Variants in YAF2 observed in about 807,000 individuals in gnomAD.
YAF2 encodes YY1-associated factor 2.
In YAF2, 7 loss-of-function variants were observed where a neutral mutation model predicts 20.1. That is an observed-to-expected ratio of 0.35 (90% CI 0.20 to 0.65). YAF2 has a LOEUF of 0.65. Among genes scored for constraint, YAF2 ranks in the 30% least tolerant of loss-of-function variants. YAF2 has a pLI of 0.69. For synonymous variants in YAF2, 74 were observed against 76.0 expected (o/e 0.97, Z 0.14); for missense variants, 151 against 219.2 (o/e 0.69, Z 1.96).
intron 2 of YAF2, among the ~76,000 whole-genome samples, chr12:42,181,903 A>C (rs1039476767): frequency 2.6e-5 from 4 of 152,154 alleles, no homozygotes; most frequent in Non-Finnish European, 5.9e-5. Context: ...TTTACATTTT[A>C]CATTTTGCTT....
intron 2 of YAF2, among the ~76,000 whole-genome samples, chr12:42,228,147 G>T (rs2067815304): frequency 3.0e-4 from 10 of 33,096 alleles, no homozygotes; most frequent in East Asian, 1.3e-3. Flanking sequence ...GGAGGGAGGT[G>T]GGGGGGGTCG....
chr12:42,211,628 C>T (rs748160220), intron 2 of YAF2, among the ~76,000 whole-genome samples: 15 of 151,388 alleles, frequency 9.9e-5, no homozygotes, highest in Non-Finnish European at 1.9e-4. Context: ...GCCTGTAATC[C>T]CAGCTATTAG....
At chr12:42,170,349 A>G (rs1390685126) in intron 2 of YAF2, among the ~76,000 whole-genome samples, 1 of 152,184 alleles carries the variant, frequency 6.6e-6, no homozygotes, top group Non-Finnish European at 1.5e-5. Flanking sequence ...TCTCTCCTGA[A>G]TCTTCCATCT....
Position 42,226,997 on chromosome 12 carries a change from G to C in YAF2, c.152+10602C>G, listed in dbSNP as rs9669083. Among the ~76,000 whole-genome samples the C allele has an allele frequency of 1.6e-3, 233 of 146,956 alleles. 6 individuals carry two copies. The East Asian group carries it at 0.044, about 28-fold the overall frequency. On this transcript the variant is annotated intron_variant, in intron 2 of 3. Transcript: ENST00000534854. ...GGCAGTGCGGAGCCGGGACAGTCGC[G>C]GCGCTGACGCCCGCGGGCCCCAGCT...
At chr12:42,202,241 T>C in intron 2 of YAF2, among the ~76,000 whole-genome samples, 1 of 152,334 alleles carries the variant, frequency 6.6e-6, no homozygotes, top group South Asian at 2.1e-4. Flanking sequence ...TGTCTTTTCC[T>C]GTACTAATAC....
At chr12:42,220,953 T>C (rs1451800598) in intron 2 of YAF2, among the ~76,000 whole-genome samples, 1 of 152,164 alleles carries the variant, frequency 6.6e-6, no homozygotes, top group Non-Finnish European at 1.5e-5. Flanking sequence ...AGAAACACTA[T>C]GATATCAAAG....
At chr12:42,198,698 C>T (rs554410863) in intron 2 of YAF2, among the ~76,000 whole-genome samples, 4 of 152,110 alleles carry the variant, frequency 2.6e-5, no homozygotes, top group Admixed American at 6.6e-5. Context: ...TGTAAAATTC[C>T]GAAATGGAGA....
At chr12:42,227,145 GC>G (rs950675993) in intron 2 of YAF2, among the ~76,000 whole-genome samples, 2 of 145,868 alleles carry the variant, frequency 1.4e-5, no homozygotes, top group African/African-American at 5.1e-5. Flanking sequence ...GGCGAGCGCC[GC>G]CCGGGAGGCA....
At chr12:42,214,783 C>T (rs912539960) in intron 2 of YAF2, among the ~76,000 whole-genome samples, 1 of 150,428 alleles carries the variant, frequency 6.6e-6, no homozygotes, top group Non-Finnish European at 1.5e-5. Flanking sequence ...GTGGGTGGAT[C>T]ACTTGAGGTC....
chr12:42,181,384 G>C (rs1430023408), intron 2 of YAF2, among the ~76,000 whole-genome samples: 3 of 152,190 alleles, frequency 2.0e-5, no homozygotes. Context: ...GTCATAGTCA[G>C]GCAGTAGTAT....
At chr12:42,210,368 T>C (rs1646307916) in intron 2 of YAF2, 1 of 1,527,886 alleles carries the variant, frequency 6.5e-7, no homozygotes. Flanking sequence ...TAACTTGAGT[T>C]ATCCTATTGG....
intron 2 of YAF2, among the ~76,000 whole-genome samples, chr12:42,222,776 A>G (rs193032649): frequency 4.3e-4 from 66 of 152,056 alleles, no homozygotes; most frequent in Admixed American, 1.0e-3. Flanking sequence ...TTTTCTTTCA[A>G]AAGCATTGTT....
intron 2 of YAF2, among the ~76,000 whole-genome samples, chr12:42,209,235 A>C (rs2067136511): frequency 6.6e-6 from 1 of 151,806 alleles, no homozygotes; most frequent in African/African-American, 2.4e-5. Context: ...ATACATTGAA[A>C]ACTGTCATTA....
At position 42,237,548 on chromosome 12, in the gene YAF2, C is replaced by G. The variant is rs1254180792; in HGVS notation, c.152+51G>C. ...GGGGCGGCAGCCGCAAGGGCGTCCT[C>G]TGGTCGCCACCCCGCCGGCCGGCGG... On this transcript the variant is annotated intron_variant, in intron 2 of 3. Transcript: ENST00000534854. 3 of 1,474,142 alleles carry G rather than the reference C, an allele frequency of 2.0e-6. No homozygotes were observed. In the African/African-American group the frequency reaches 4.4e-5, roughly 22 times the overall value. The allele number at this position is 1,474,142 out of a possible 1,614,324, so 91.3% of individuals were successfully genotyped here.
intron 2 of YAF2, among the ~76,000 whole-genome samples, chr12:42,218,442 C>T (rs1002577886): frequency 6.6e-6 from 1 of 151,908 alleles, no homozygotes; most frequent in South Asian, 2.1e-4. Context: ...AATGTTATTG[C>T]CTATTTTATT....
At chr12:42,230,812 T>C (rs979167724) in intron 2 of YAF2, among the ~76,000 whole-genome samples, 1 of 152,064 alleles carries the variant, frequency 6.6e-6, no homozygotes, top group Non-Finnish European at 1.5e-5. Flanking sequence ...TTCAGAGATA[T>C]ACACAGAAAT....
chr12:42,219,980 G>A (rs2067468640), intron 2 of YAF2, among the ~76,000 whole-genome samples: 1 of 152,108 alleles, frequency 6.6e-6, no homozygotes, highest in African/African-American at 2.4e-5. Context: ...ATAAGACTGA[G>A]AACTGCTCAA....
intron 2 of YAF2, among the ~76,000 whole-genome samples, chr12:42,206,102 C>T (rs908898773): frequency 7.2e-5 from 11 of 151,956 alleles, no homozygotes; most frequent in Non-Finnish European, 2.9e-5. Context: ...TGTGCTTGTC[C>T]GGAGGAGTAC....
intron 2 of YAF2, among the ~76,000 whole-genome samples, chr12:42,171,632 T>C (rs1464966384): frequency 1.3e-5 from 2 of 152,138 alleles, no homozygotes; most frequent in Non-Finnish European, 2.9e-5. Flanking sequence ...ACTGGGTATA[T>C]AACTCCTGAT....
Sources: gnomAD v4.1 joint callset for allele counts (sites outside exome capture counted in the v4.1 genomes callset) on GRCh38, gnomAD v4.1.1 for gene constraint, MANE v1.5 for transcripts, NCBI Gene and HGNC (gene_info 2026-07-23, HGNC 2026-07-21) for gene names.